The following SPTSSA variants were observed in gnomAD, a reference collection of about 807,000 sequenced individuals.
SPTSSA encodes small subunit of serine palmitoyltransferase A.
A neutral mutation model predicts 9.1 loss-of-function variants in SPTSSA; 8 were observed. That is an observed-to-expected ratio of 0.88 (90% CI 0.51 to 1.58). SPTSSA has a LOEUF of 1.58. Among genes scored for constraint, SPTSSA ranks in the 40% most tolerant of loss-of-function variants. The probability of loss-of-function intolerance (pLI) is 0.00; values close to 1 mark genes in which losing one functional copy is unlikely to be tolerated. For synonymous variants in SPTSSA, 42 were observed against 37.7 expected, an observed-to-expected ratio of 1.11 and a Z score of -0.41; for missense variants, 100 against 93.8, an observed-to-expected ratio of 1.07 and a Z score of -0.27.
chr14:34,435,623 CTTTTTTTTTTTTTTT>C (rs769896697), intron 1 of SPTSSA, among the ~76,000 whole-genome samples: 2 of 92,470 alleles, frequency 2.2e-5, no homozygotes, highest in Non-Finnish European at 2.0e-5. Context: ...GTTTGTTTCT[CTTTTTTTTTTTTTTT>C]TTTTTTTGAG....
At chr14:34,453,806 T>G (rs747230074) in intron 1 of SPTSSA, among the ~76,000 whole-genome samples, 2 of 152,118 alleles carry the variant, frequency 1.3e-5, no homozygotes, top group Non-Finnish European at 2.9e-5. Context: ...TTATAAAAAG[T>G]ATATATCCTC....
intron 1 of SPTSSA, among the ~76,000 whole-genome samples, chr14:34,438,932 G>A (rs1203173015): frequency 6.6e-6 from 1 of 152,128 alleles, no homozygotes; most frequent in Non-Finnish European, 1.5e-5. Context: ...TCTAAGGCAA[G>A]TATTCAAGGA....
chr14:34,451,580 G>A (rs542753747), intron 1 of SPTSSA, among the ~76,000 whole-genome samples: 1,650 of 152,048 alleles, frequency 0.011, 33 homozygotes, highest in African/African-American at 0.038. Flanking sequence ...AAAATTAGCC[G>A]GGCGCGGTGG....
chr14:34,447,351 G>T (rs759763511), intron 1 of SPTSSA, among the ~76,000 whole-genome samples: 1 of 150,680 alleles, frequency 6.6e-6, no homozygotes, highest in Non-Finnish European at 1.5e-5. Flanking sequence ...AGCATACTCC[G>T]AACTCTTGGT....
chr14:34,462,229 A>G lies in SPTSSA; in HGVS notation c.-22T>C, dbSNP rs199606699. On this transcript the variant is annotated 5_prime_UTR_variant, in exon 1 of 2. Coordinates refer to ENST00000298130, the MANE Select transcript of SPTSSA (RefSeq NM_138288.4). ...CCATGCGCCTCCCGCGATGCAGCTC[A>G]CACGTCAGTCTGTCCGGCCGGCCGC... 381 of 1,490,738 alleles carry G rather than the reference A, an allele frequency of 2.6e-4. 4 individuals are homozygous for G. In the African/African-American group the frequency reaches 4.1e-3, roughly 16 times the overall value. The allele number at this position is 1,490,738 out of a possible 1,614,324, so 92.3% of individuals were successfully genotyped here.
At chr14:34,446,519 A>C (rs1461383250) in intron 1 of SPTSSA, among the ~76,000 whole-genome samples, 3 of 152,220 alleles carry the variant, frequency 2.0e-5, no homozygotes, top group Non-Finnish European at 4.4e-5. Flanking sequence ...TGACAGATAA[A>C]AAATGAAGGC....
chr14:34,448,264 A>T (rs1446632835), intron 1 of SPTSSA, among the ~76,000 whole-genome samples: 1 of 152,078 alleles, frequency 6.6e-6, no homozygotes, highest in Non-Finnish European at 1.5e-5. Flanking sequence ...TCTCAAAAAA[A>T]AAAGCTACCC....
intron 1 of SPTSSA, among the ~76,000 whole-genome samples, chr14:34,458,663 ATTTTTTTT>A (rs35426259): frequency 3.3e-5 from 3 of 89,620 alleles, no homozygotes; most frequent in Non-Finnish European, 6.2e-5. Flanking sequence ...CACTCAGCTA[ATTTTTTTT>A]TTTTTTTTTT....
chr14:34,446,677 T>C (rs1883427871), intron 1 of SPTSSA, among the ~76,000 whole-genome samples: 1 of 152,212 alleles, frequency 6.6e-6, no homozygotes, highest in Admixed American at 6.5e-5. Context: ...CATCAGTTAT[T>C]TGGCTCTTTT....
At chr14:34,459,655 C>T (rs1185350842) in intron 1 of SPTSSA, among the ~76,000 whole-genome samples, 1 of 151,886 alleles carries the variant, frequency 6.6e-6, no homozygotes, top group Non-Finnish European at 1.5e-5. Flanking sequence ...GTGGCAGGCA[C>T]CTGTAATCCC....
chr14:34,448,342 C>T (rs1883460485), intron 1 of SPTSSA, among the ~76,000 whole-genome samples: 1 of 152,108 alleles, frequency 6.6e-6, no homozygotes, highest in South Asian at 2.1e-4. Context: ...GGCCTCAAGG[C>T]AGCATGAAGT....
intron 1 of SPTSSA, among the ~76,000 whole-genome samples, chr14:34,443,172 T>TGTGTGTGTG (rs1883353252): frequency 6.6e-5 from 4 of 60,718 alleles, no homozygotes; most frequent in South Asian, 6.0e-4. Context: ...TGTGTGTGTG[T>TGTGTGTGTG]TTTGAGATTG....
chr14:34,438,829 G>C (rs1011933303), intron 1 of SPTSSA, among the ~76,000 whole-genome samples: 1 of 152,082 alleles, frequency 6.6e-6, no homozygotes, highest in African/African-American at 2.4e-5. Flanking sequence ...TCCCATCGTA[G>C]GCTTCTAGCC....
chr14:34,442,335 A>G (rs935363879), intron 1 of SPTSSA, among the ~76,000 whole-genome samples: 3 of 152,208 alleles, frequency 2.0e-5, no homozygotes, highest in Admixed American at 2.0e-4. Context: ...TCAACTGGCT[A>G]AGGAAAAGGC....
At position 34,435,163 on chromosome 14, in the gene SPTSSA, T is replaced by A; in HGVS notation, c.*38A>T. ...TCTCATTCCAACTTCGTAGGGTGGG[T>A]CTTCCCCAAGGAACCTCTGATCCTG... On this transcript the variant is annotated 3_prime_UTR_variant, in exon 2 of 2. Transcript: ENST00000298130. 6.5e-7 allele frequency: 1 copy of A among 1,546,480 alleles called. No homozygotes were observed. The highest frequency in any genetic ancestry group is 8.9e-7 in the Non-Finnish European group (1 of 1,122,888).
At chr14:34,461,712 C>T (rs1480096752) in intron 1 of SPTSSA, among the ~76,000 whole-genome samples, 2 of 152,226 alleles carry the variant, frequency 1.3e-5, no homozygotes, top group East Asian at 3.8e-4. Flanking sequence ...AAGCCGGGAG[C>T]GATGTGCTCC....
intron 1 of SPTSSA, among the ~76,000 whole-genome samples, chr14:34,458,647 C>T (rs1566427457): frequency 1.3e-5 from 2 of 149,482 alleles, no homozygotes; most frequent in Admixed American, 1.3e-4. Context: ...CAGTCGTGCG[C>T]CACCACACTC....
rs1883358788 is a variant in SPTSSA, at chr14:34,443,245, ATGGAGTT to A, written c.113-7948_113-7942del. On this transcript the variant is annotated intron_variant, in intron 1 of 1. Coordinates refer to ENST00000298130, the MANE Select transcript of SPTSSA (RefSeq NM_138288.4). Reference sequence around the variant, plus strand: ...TGTGTGTGTGTGTGTGTGTTTTGAGATGGAGTTTTCCTCTCATTACCCAGCTGGAGTG... The same window carrying A: ...TGTGTGTGTGTGTGTGTGTTTTGAGATTCCTCTCATTACCCAGCTGGAGTG... Among the ~76,000 whole-genome samples the A allele has an allele frequency of 5.0e-5, 3 of 60,484 alleles. 1 individual carries two copies. The Admixed American group carries it at 6.3e-4, about 13-fold the overall frequency. 39.7% of individuals were successfully genotyped at this position (60,484 alleles called of 152,430 possible). A position where few individuals can be genotyped will look rare whatever the true frequency, so the allele number is the denominator to read the frequency against.
intron 1 of SPTSSA, among the ~76,000 whole-genome samples, chr14:34,457,887 G>A (rs1004611973): frequency 2.0e-5 from 3 of 147,678 alleles, no homozygotes; most frequent in Non-Finnish European, 3.0e-5. Context: ...CAGGAGAATC[G>A]CCTGAATCCC....
Sources: gnomAD v4.1 joint callset for allele counts (sites outside exome capture counted in the v4.1 genomes callset) on GRCh38, gnomAD v4.1.1 for gene constraint, MANE v1.5 for transcripts, NCBI Gene and HGNC (gene_info 2026-07-23, HGNC 2026-07-21) for gene names.